DLG2: variants seen among roughly 807,000 people sequenced by gnomAD.
DLG2 encodes discs large MAGUK scaffold protein 2.
A neutral mutation model predicts 132.5 loss-of-function variants in DLG2; 45 were observed. That is an observed-to-expected ratio of 0.34 (90% CI 0.27 to 0.44). DLG2 has a LOEUF of 0.44. Among genes scored for constraint, DLG2 ranks in the 20% least tolerant of loss-of-function variants. DLG2 has a pLI of 1.00. For missense variants in DLG2, 1,045 were observed against 1,196.9 expected, an observed-to-expected ratio of 0.87 and a Z score of 1.87; for synonymous variants, 424 against 419.6, an observed-to-expected ratio of 1.01 and a Z score of -0.13.
intron 18 of DLG2, among the ~76,000 whole-genome samples, chr11:83,737,546 G>A (rs773099737): frequency 4.6e-5 from 7 of 152,112 alleles, no homozygotes; most frequent in Non-Finnish European, 8.8e-5. Flanking sequence ...ATATTCGGTG[G>A]CAAGGCACAT....
intron 6 of DLG2, among the ~76,000 whole-genome samples, chr11:84,827,848 C>A (rs935615536): frequency 5.3e-5 from 8 of 151,382 alleles, no homozygotes; most frequent in Non-Finnish European, 1.2e-4. Flanking sequence ...ACAAGTCAGG[C>A]CCAGAAAGAC....
intron 16 of DLG2, among the ~76,000 whole-genome samples, chr11:83,847,709 A>G (rs547184880): frequency 1.3e-5 from 2 of 152,250 alleles, no homozygotes; most frequent in Admixed American, 1.3e-4. Flanking sequence ...AGCATTTCAC[A>G]TGCTTGCTTA....
chr11:84,214,236 TATGA>T (rs2096800654), intron 8 of DLG2, among the ~76,000 whole-genome samples: 1 of 143,752 alleles, frequency 7.0e-6, no homozygotes, highest in African/African-American at 2.7e-5. Context: ...TATACATATA[TATGA>T]ATATATATAT....
chr11:84,404,028 T>A (rs2098839896), intron 7 of DLG2, among the ~76,000 whole-genome samples: 1 of 152,158 alleles, frequency 6.6e-6, no homozygotes, highest in Non-Finnish European at 1.5e-5. Flanking sequence ...CTCCATCTAC[T>A]TTTGCCATAC....
chr11:85,256,567 C>T (rs901037851), intron 4 of DLG2, among the ~76,000 whole-genome samples: 6 of 152,164 alleles, frequency 3.9e-5, no homozygotes, highest in African/African-American at 7.2e-5. Flanking sequence ...CTCCAGGAGT[C>T]GCAGGCACCC....
At chr11:84,933,932 AT>A (rs2048377917) in intron 6 of DLG2, among the ~76,000 whole-genome samples, 1 of 152,064 alleles carries the variant, frequency 6.6e-6, no homozygotes, top group Non-Finnish European at 1.5e-5. Flanking sequence ...GCATCCTTTT[AT>A]TGTGCCAGTT....
At chr11:84,500,359 A>G (rs1445111152) in intron 7 of DLG2, among the ~76,000 whole-genome samples, 2 of 152,114 alleles carry the variant, frequency 1.3e-5, no homozygotes, top group East Asian at 3.9e-4. Context: ...GAAAAAAAAA[A>G]AAAAAGCAAA....
At chr11:84,194,274 G>A (rs73517792) in intron 8 of DLG2, among the ~76,000 whole-genome samples, 7,270 of 152,110 alleles carry the variant, frequency 0.048, 217 homozygotes, top group Non-Finnish European at 0.062. Flanking sequence ...GGACCCTTGC[G>A]GTCAGTGTTA....
rs181034243 is a variant in DLG2 at position 83,897,198 on chromosome 11, T to A, written c.1497-22710A>T. Among the ~76,000 whole-genome samples the A allele has an allele frequency of 9.1e-4, 139 of 152,314 alleles. 2 individuals are homozygous for A. The highest frequency in any genetic ancestry group is 3.2e-3 in the African/African-American group (133 of 41,578). On this transcript the variant is annotated intron_variant, in intron 15 of 27. Transcript: ENST00000376104. ...AGCTAAGTTCAATGTGGTGGATACATCCAACAGTGTGGATGTGATTTTACT... is the reference window on the plus strand; with the variant it reads ...AGCTAAGTTCAATGTGGTGGATACAACCAACAGTGTGGATGTGATTTTACT...
At chr11:84,078,088 GA>G (rs2096852682) in intron 10 of DLG2, among the ~76,000 whole-genome samples, 1 of 152,122 alleles carries the variant, frequency 6.6e-6, no homozygotes, top group Non-Finnish European at 1.5e-5. Context: ...CAATAAAGAT[GA>G]AATTGTATTG....
chr11:84,777,526 A>T (rs2070883415), intron 6 of DLG2, among the ~76,000 whole-genome samples: 3 of 151,460 alleles, frequency 2.0e-5, no homozygotes, highest in African/African-American at 7.3e-5. Flanking sequence ...AAAACTCCAT[A>T]CTGTTTTCCA....
chr11:84,454,940 AAGAT>A (rs1456359601), intron 7 of DLG2, among the ~76,000 whole-genome samples: 1 of 151,228 alleles, frequency 6.6e-6, no homozygotes, highest in African/African-American at 2.4e-5. Flanking sequence ...GATATATGTC[AAGAT>A]CTATCAGATT....
At chr11:85,392,425 TAA>T (rs374219026) in intron 3 of DLG2, among the ~76,000 whole-genome samples, 6 of 129,056 alleles carry the variant, frequency 4.6e-5, no homozygotes, top group Admixed American at 7.6e-5. Context: ...TTCACAAAAC[TAA>T]AAAAAAAAAA....
intron 16 of DLG2, among the ~76,000 whole-genome samples, chr11:83,862,320 T>C (rs200039851): frequency 6.6e-6 from 1 of 152,148 alleles, no homozygotes; most frequent in East Asian, 1.9e-4. Context: ...GGTCATTATG[T>C]TAAGTGAAAT....
In DLG2 at chr11:84,665,876, C is replaced by A. The variant is rs550369611; in HGVS notation, c.358-131145G>T. Among the ~76,000 whole-genome samples, 111 of 152,208 alleles carry A rather than the reference C, an allele frequency of 7.3e-4. No homozygotes were observed. In the South Asian group the frequency reaches 0.013, roughly 18 times the overall value. On this transcript the variant is annotated intron_variant, in intron 6 of 27. Transcript: ENST00000376104. ...ACCCATTCAATTTGTTCCTTAAACC[C>A]AAGTAAAAGAAGATGTGGGAATAGG... is the stretch of plus-strand genomic sequence containing the variant.
intron 6 of DLG2, among the ~76,000 whole-genome samples, chr11:85,097,604 A>T (rs1288875131): frequency 6.6e-6 from 1 of 152,248 alleles, no homozygotes; most frequent in Non-Finnish European, 1.5e-5. Context: ...TCTGAGGACA[A>T]GAAATTTAAG....
chr11:84,328,773 C>A (rs12223311), intron 7 of DLG2, among the ~76,000 whole-genome samples: 1 of 152,288 alleles, frequency 6.6e-6, no homozygotes, highest in East Asian at 1.9e-4. Context: ...TAAATGATCT[C>A]TTTTCCTTAG....
chr11:83,652,345 G>A (rs748596851), intron 18 of DLG2, among the ~76,000 whole-genome samples: 4 of 152,098 alleles, frequency 2.6e-5, no homozygotes, highest in Non-Finnish European at 5.9e-5. Flanking sequence ...TAGTCCTCAC[G>A]TGTATATTTG....
intron 18 of DLG2, among the ~76,000 whole-genome samples, chr11:83,668,012 A>T: frequency 7.2e-6 from 1 of 138,092 alleles, no homozygotes; most frequent in Admixed American, 7.2e-5. Flanking sequence ...TTAAAGGAAG[A>T]GGGAAATGAC....
Sources: allele counts gnomAD v4.1 joint callset (sites outside exome capture counted in the v4.1 genomes callset), GRCh38; gene constraint gnomAD v4.1.1; transcripts MANE v1.5; gene names NCBI Gene and HGNC (gene_info 2026-07-23, HGNC 2026-07-21).